Variants in PRKN observed in about 807,000 individuals in gnomAD.
PRKN encodes parkin RBR E3 ubiquitin protein ligase, also known as E3 ubiquitin-protein ligase parkin.
In PRKN, 56 loss-of-function variants were observed where a neutral mutation model predicts 59.5. The observed-to-expected ratio is 0.94, with a 90% CI of 0.76 to 1.18. PRKN has a LOEUF of 1.18. PRKN is among the 50% of genes most tolerant of loss of function. The pLI is 0.00. For missense variants in PRKN, 657 were observed against 596.4 expected, an observed-to-expected ratio of 1.10 and a Z score of -1.06; for synonymous variants, 250 against 222.1, an observed-to-expected ratio of 1.13 and a Z score of -1.12.
At chr6:162,214,229 A>C (rs1265911253) in intron 3 of PRKN, among the ~76,000 whole-genome samples, 1 of 152,190 alleles carries the variant, frequency 6.6e-6, no homozygotes, top group East Asian at 1.9e-4. Context: ...TTCAACACCC[A>C]GAGTTCTATG....
chr6:161,456,553 T>C lies in PRKN; in HGVS notation c.1084-69676A>G, dbSNP rs965310789. ...TGTGATCGTGTGAGTCAATTCTCCT[T>C]AATAAATGCCCCTTCATATATTCAT... On this transcript the variant is annotated intron_variant, in intron 9 of 11. Transcript: ENST00000366898. The surrounding 1 kb of genome is among the most constrained non-coding windows in gnomAD (Gnocchi z 4.8). 2.6e-5 allele frequency among the ~76,000 whole-genome samples: 4 copies of C among 152,136 alleles called. No individual in the cohort carries two copies. The highest frequency in any genetic ancestry group is 4.4e-5 in the Non-Finnish European group (3 of 68,026).
At chr6:162,204,152 G>C (rs952492112) in intron 3 of PRKN, among the ~76,000 whole-genome samples, 30 of 152,238 alleles carry the variant, frequency 2.0e-4, no homozygotes, top group African/African-American at 7.0e-4. Context: ...AGCTTTTTAA[G>C]TGATTTGGTT....
At chr6:161,543,218 T>G (rs982357273) in intron 9 of PRKN, among the ~76,000 whole-genome samples, 3 of 152,172 alleles carry the variant, frequency 2.0e-5, no homozygotes, top group Non-Finnish European at 4.4e-5. Context: ...CAGACTCTCA[T>G]TTCACTAAAA....
At chr6:161,975,422 CA>C (rs1196431857) in intron 5 of PRKN, among the ~76,000 whole-genome samples, 1 of 152,166 alleles carries the variant, frequency 6.6e-6, no homozygotes, top group Non-Finnish European at 1.5e-5. Context: ...ATAGATTAAT[CA>C]ACGCTATTTA....
chr6:161,835,457 C>T (rs1397531680), intron 6 of PRKN, among the ~76,000 whole-genome samples: 2 of 152,208 alleles, frequency 1.3e-5, no homozygotes, highest in Non-Finnish European at 2.9e-5. Flanking sequence ...CTGGGAGTTA[C>T]ATCTGATGTT....
intron 7 of PRKN, among the ~76,000 whole-genome samples, chr6:161,668,550 C>T (rs1784801796): frequency 6.6e-6 from 1 of 152,038 alleles, no homozygotes; most frequent in African/African-American, 2.4e-5. Flanking sequence ...AAGAGTTGCA[C>T]CAACATGAAC....
chr6:162,476,646 T>C (rs796481276), intron 1 of PRKN, among the ~76,000 whole-genome samples: 1 of 152,146 alleles, frequency 6.6e-6, no homozygotes, highest in Non-Finnish European at 1.5e-5. Context: ...GTCAGAATGA[T>C]GTGCAAGCTC....
intron 4 of PRKN, among the ~76,000 whole-genome samples, chr6:162,078,882 T>TAAGA (rs1225950802): frequency 4.3e-5 from 2 of 46,940 alleles, no homozygotes; most frequent in Non-Finnish European, 8.1e-5. Flanking sequence ...ACTTAATAAT[T>TAAGA]AATAAATACT....
Position 161,727,317 on chromosome 6 carries a change from AGAGG to A in PRKN, c.871+58451_871+58454del, listed in dbSNP as rs377539597. 4.6e-4 allele frequency among the ~76,000 whole-genome samples: 70 copies of A among 152,274 alleles called. No individual in the cohort carries two copies. The East Asian group carries it at 0.01, about 22-fold the overall frequency. ...GACTGTTTCTCTGCAGAGGGACAGA[AGAGG>A]GAGTGCTCAGAGCACACAGTGAGCC... On this transcript the variant is annotated intron_variant, in intron 7 of 11. Transcript: ENST00000366898.
At chr6:162,563,122 G>A (rs1318355717) in intron 1 of PRKN, among the ~76,000 whole-genome samples, 2 of 152,160 alleles carry the variant, frequency 1.3e-5, no homozygotes, top group Admixed American at 6.5e-5. Flanking sequence ...CTAAAGCAGT[G>A]AAACCCTGTC....
In PRKN at chr6:161,671,182, C is replaced by G. The variant is rs1784896062; in HGVS notation, c.872-101766G>C. 1.3e-5 allele frequency among the ~76,000 whole-genome samples: 2 copies of G among 152,112 alleles called. 1 individual carries two copies. The highest frequency in any genetic ancestry group is 4.8e-5 in the African/African-American group (2 of 41,402). The stretch of plus-strand genomic sequence containing the variant: ...TGGGGAGGGGCTTGTGTCTTGCTCT[C>G]AGAAACATAATAAACCAAGAGATTC... On this transcript the variant is annotated intron_variant, in intron 7 of 11. Transcript: ENST00000366898.
intron 7 of PRKN, among the ~76,000 whole-genome samples, chr6:161,622,316 C>T (rs1169527242): frequency 2.6e-5 from 4 of 152,200 alleles, no homozygotes; most frequent in African/African-American, 7.2e-5. Context: ...TTCCTGGGCA[C>T]GCAGGTCTGC....
chr6:162,092,228 G>A (rs1241542862), intron 4 of PRKN, among the ~76,000 whole-genome samples: 2 of 152,168 alleles, frequency 1.3e-5, no homozygotes, highest in East Asian at 1.9e-4. Context: ...GTTGGCGAGC[G>A]CCTATAGTCC....
intron 3 of PRKN, among the ~76,000 whole-genome samples, chr6:162,233,261 C>T (rs1050327152): frequency 4.0e-5 from 6 of 151,840 alleles, no homozygotes; most frequent in Non-Finnish European, 8.8e-5. Flanking sequence ...GATGTGAATC[C>T]TAGAAAAAAT....
intron 1 of PRKN, among the ~76,000 whole-genome samples, chr6:162,444,702 A>G (rs1474673248): frequency 6.6e-6 from 1 of 152,092 alleles, no homozygotes; most frequent in African/African-American, 2.4e-5. Context: ...GTCTTTTAAT[A>G]TTCACCACAT....
intron 9 of PRKN, among the ~76,000 whole-genome samples, chr6:161,492,780 GA>G (rs559489912): frequency 6.6e-5 from 10 of 152,116 alleles, no homozygotes; most frequent in Non-Finnish European, 1.5e-4. Flanking sequence ...TTTCACAAAA[GA>G]AAAAACTCAG....
chr6:162,652,041 T>C (rs1253458292), intron 1 of PRKN, among the ~76,000 whole-genome samples: 2 of 152,300 alleles, frequency 1.3e-5, no homozygotes, highest in South Asian at 2.1e-4. Flanking sequence ...TTCTTTGTCA[T>C]TGAGGTAGTC....
chr6:161,869,674 C>T (rs1357144291), intron 6 of PRKN, among the ~76,000 whole-genome samples: 1 of 152,180 alleles, frequency 6.6e-6, no homozygotes, highest in African/African-American at 2.4e-5. Context: ...CCTTGACCCA[C>T]CCTCTGCGTC....
At chr6:161,415,609 AC>A (rs1167219932) in intron 9 of PRKN, among the ~76,000 whole-genome samples, 3 of 28,496 alleles carry the variant, frequency 1.1e-4, no homozygotes, top group Admixed American at 9.2e-4. Context: ...CCCCCCCCCG[AC>A]CCCCCGCCAG....
Sources: gnomAD v4.1 joint callset for allele counts (sites outside exome capture counted in the v4.1 genomes callset) on GRCh38, gnomAD v4.1.1 for gene constraint, Gnocchi (gnomAD v3.1) non-coding constraint, MANE v1.5 for transcripts, NCBI Gene and HGNC (gene_info 2026-07-23, HGNC 2026-07-21) for gene names.